The following SSBP2 variants were observed in gnomAD, a reference collection of about 807,000 sequenced individuals.
SSBP2 encodes the protein single-stranded DNA-binding protein 2.
A neutral mutation model predicts 61.8 loss-of-function variants in SSBP2; 17 were observed. The ratio of observed to expected loss-of-function variants is 0.28; its 90% CI spans 0.19 to 0.41. The LOEUF is 0.41. Among genes scored for constraint, SSBP2 ranks in the 10% least tolerant of loss-of-function variants. The pLI, the probability that SSBP2 is intolerant of heterozygous loss-of-function variation, is 1.00. For synonymous variants in SSBP2, 139 were observed against 141.3 expected, an observed-to-expected ratio of 0.98 and a Z score of 0.12; for missense variants, 310 against 458.7, an observed-to-expected ratio of 0.68 and a Z score of 2.96.
chr5:81,607,044 A>G (rs1056423085), intron 4 of SSBP2, among the ~76,000 whole-genome samples: 4 of 152,254 alleles, frequency 2.6e-5, no homozygotes, highest in Non-Finnish European at 5.9e-5. Context: ...ATTAAGGTGT[A>G]CTATTGTAAA....
At chr5:81,687,075 G>A (rs750869363) in intron 1 of SSBP2, among the ~76,000 whole-genome samples, 5 of 152,140 alleles carry the variant, frequency 3.3e-5, no homozygotes, top group Admixed American at 6.5e-5. Context: ...TTTTAACTTC[G>A]GATCACTGAA....
chr5:81,428,748 G>T, intron 15 of SSBP2, 65 bp from the exon 16 acceptor site: 1 of 1,159,286 alleles, frequency 8.6e-7, no homozygotes. Context: ...GCACTGTACT[G>T]TTTCGAATAT....
chr5:81,621,988 G>A (rs1746618390), intron 3 of SSBP2, among the ~76,000 whole-genome samples: 1 of 146,858 alleles, frequency 6.8e-6, no homozygotes, highest in African/African-American at 2.5e-5. Context: ...GATAGCATTG[G>A]GAGATATACC....
chr5:81,530,925 AAT>A (rs1364246117), intron 4 of SSBP2, among the ~76,000 whole-genome samples: 1 of 152,122 alleles, frequency 6.6e-6, no homozygotes, highest in African/African-American at 2.4e-5. Context: ...GTCAAGAAAG[AAT>A]ATAATTTCAG....
intron 3 of SSBP2, chr5:81,616,227 G>C (rs977417656): frequency 6.7e-6 from 1 of 149,398 alleles, no homozygotes; most frequent in Non-Finnish European, 1.5e-5. Flanking sequence ...GACAGTGGGC[G>C]CAGGCCAGTG....
chr5:81,674,329 C>T (rs961015482), intron 1 of SSBP2, among the ~76,000 whole-genome samples: 4 of 152,176 alleles, frequency 2.6e-5, no homozygotes, highest in Admixed American at 6.5e-5. Context: ...TACCCCTCCA[C>T]TCAAATATTA....
chr5:81,510,798 C>A (rs1487931330), intron 5 of SSBP2, among the ~76,000 whole-genome samples: 1 of 151,992 alleles, frequency 6.6e-6, no homozygotes, highest in Non-Finnish European at 1.5e-5. Flanking sequence ...CTGTAAAAGA[C>A]TCCTAAATTC....
intron 5 of SSBP2, among the ~76,000 whole-genome samples, chr5:81,501,900 T>C (rs1767821740): frequency 6.6e-6 from 1 of 152,016 alleles, no homozygotes; most frequent in Non-Finnish European, 1.5e-5. Flanking sequence ...TGGTACCCGA[T>C]TGCTTGGGAG....
chr5:81,428,045 A>G (rs1375739494), intron 16 of SSBP2, among the ~76,000 whole-genome samples: 2 of 152,218 alleles, frequency 1.3e-5, no homozygotes, highest in Non-Finnish European at 2.9e-5. Context: ...TGTTAAATGA[A>G]TGAATTTTAT....
rs181472626 is a variant in SSBP2, at chr5:81,698,586, C to T, written c.63-48247G>A. Among the ~76,000 whole-genome samples, 13 of 152,198 alleles carry T rather than the reference C, an allele frequency of 8.5e-5. No individual in the cohort carries two copies. The East Asian group carries it at 1.2e-3, about 14-fold the overall frequency. ...TAGCACTTTGGGATGCTGTGGTGGG[C>T]GGATTACTTGAGGTCAGGAGTTCGA... On this transcript the variant is annotated intron_variant, in intron 1 of 16. Transcript: ENST00000320672.
chr5:81,416,014 G>C lies in SSBP2; in HGVS notation c.*4490C>G. 1 of 151,686 alleles carries C rather than the reference G, an allele frequency of 6.6e-6. No homozygotes were observed. The highest frequency in any genetic ancestry group is 2.4e-5 in the African/African-American group (1 of 41,202). 9.4% of individuals were successfully genotyped at this position (151,686 alleles called of 1,614,324 possible). On this transcript the variant is annotated 3_prime_UTR_variant, in exon 17 of 17. Transcript: ENST00000320672. ...GAGGCGGGCAGATCACTTGAGGTCA[G>C]GAGTTCCAGACCAGCCTGGCCAACA...
intron 8 of SSBP2, among the ~76,000 whole-genome samples, chr5:81,471,552 T>A (rs879441700): frequency 1.3e-5 from 2 of 151,978 alleles, no homozygotes; most frequent in Non-Finnish European, 1.5e-5. Flanking sequence ...AGACTAAAAG[T>A]ATACTTAGCC....
At chr5:81,650,208 G>T in intron 2 of SSBP2, 59 bp downstream of exon 2, 4 of 1,173,858 alleles carry the variant, frequency 3.4e-6, no homozygotes. Context: ...TTATTATAGT[G>T]TGTTTTCCAT....
chr5:81,691,176 G>A (rs1343404269), intron 1 of SSBP2, among the ~76,000 whole-genome samples: 3 of 151,528 alleles, frequency 2.0e-5, no homozygotes, highest in African/African-American at 7.3e-5. Context: ...AAAAGCAAGA[G>A]CAAACAAAGC....
At chr5:81,513,012 G>A (rs964543920) in intron 5 of SSBP2, among the ~76,000 whole-genome samples, 1 of 152,052 alleles carries the variant, frequency 6.6e-6, no homozygotes, top group Non-Finnish European at 1.5e-5. Flanking sequence ...AGTGGATGCT[G>A]TGAAATTTTA....
At chr5:81,647,475 T>C (rs2153702658) in intron 2 of SSBP2, among the ~76,000 whole-genome samples, 1 of 152,212 alleles carries the variant, frequency 6.6e-6, no homozygotes, top group East Asian at 1.9e-4. Flanking sequence ...TATTAAAAAC[T>C]TACAGCTCAA....
At chr5:81,676,902 A>G (rs1210291659) in intron 1 of SSBP2, among the ~76,000 whole-genome samples, 1 of 152,186 alleles carries the variant, frequency 6.6e-6, no homozygotes, top group Non-Finnish European at 1.5e-5. Context: ...AAAGAAAAAG[A>G]AAAAGATAAA....
chr5:81,548,042 C>T (rs191891587), intron 4 of SSBP2, among the ~76,000 whole-genome samples: 5 of 152,156 alleles, frequency 3.3e-5, no homozygotes, highest in Middle Eastern at 3.4e-3. Flanking sequence ...ATACGTATCC[C>T]AGAACTTAAA....
At chr5:81,557,230 A>G (rs754556352) in intron 4 of SSBP2, among the ~76,000 whole-genome samples, 12 of 152,136 alleles carry the variant, frequency 7.9e-5, no homozygotes, top group Non-Finnish European at 1.3e-4. Flanking sequence ...TTTTTCCTCT[A>G]TACATAATGT....
Sources: gnomAD v4.1 joint callset for allele counts (sites outside exome capture counted in the v4.1 genomes callset) on GRCh38, gnomAD v4.1.1 for gene constraint, MANE v1.5 for transcripts, NCBI Gene and HGNC (gene_info 2026-07-23, HGNC 2026-07-21) for gene names.